The following ABCA13 variants were observed in gnomAD, a reference collection of about 807,000 sequenced individuals.
ABCA13 encodes ATP-binding cassette sub-family A member 13.
Under a neutral mutation model 478.7 loss-of-function variants are expected in ABCA13, and 476 were observed. The observed-to-expected ratio is 0.99, with a 90% confidence interval of 0.92 to 1.07. The LOEUF (loss-of-function observed/expected upper bound fraction) is 1.07. ABCA13 is among the 50% of genes least tolerant of loss of function. The pLI is 0.00. For missense variants in ABCA13, 6,060 were observed against 5,910.6 expected, an observed-to-expected ratio of 1.03 and a Z score of -0.83; for synonymous variants, 2,252 against 2,158.9, an observed-to-expected ratio of 1.04 and a Z score of -1.20.
chr7:48,437,126 T>A (rs1255821867), intron 42 of ABCA13, among the ~76,000 whole-genome samples: 1 of 152,058 alleles, frequency 6.6e-6, no homozygotes, highest in Non-Finnish European at 1.5e-5. Flanking sequence ...TATTGAGGTT[T>A]CCTACTATTA....
At chr7:48,539,767 A>G (rs1319912231) in intron 55 of ABCA13, among the ~76,000 whole-genome samples, 3 of 152,242 alleles carry the variant, frequency 2.0e-5, no homozygotes, top group African/African-American at 4.8e-5. Flanking sequence ...TGAAGGTTCA[A>G]TGCTATACCA....
chr7:48,283,643 A>G (rs1797343590), intron 19 of ABCA13, among the ~76,000 whole-genome samples: 1 of 152,164 alleles, frequency 6.6e-6, no homozygotes, highest in South Asian at 2.1e-4. Flanking sequence ...GAGTTAATCT[A>G]CACAATCACT....
chr7:48,523,190 A>T (rs918588426), intron 53 of ABCA13, among the ~76,000 whole-genome samples: 4 of 152,088 alleles, frequency 2.6e-5, no homozygotes, highest in Non-Finnish European at 5.9e-5. Context: ...TTTGAACGTT[A>T]TATAAATGAG....
At chr7:48,247,871 C>G (rs1791936394) in intron 13 of ABCA13, among the ~76,000 whole-genome samples, 1 of 152,104 alleles carries the variant, frequency 6.6e-6, no homozygotes. Context: ...CAGCTGCATT[C>G]TATGGGTTTA....
chr7:48,179,258 T>C (rs886450316), intron 1 of ABCA13, among the ~76,000 whole-genome samples: 10 of 152,156 alleles, frequency 6.6e-5, no homozygotes, highest in African/African-American at 2.2e-4. Flanking sequence ...GAGATTGTAT[T>C]GGAGGCCGCG....
intron 47 of ABCA13, among the ~76,000 whole-genome samples, chr7:48,488,078 T>A (rs1267646524): frequency 1.3e-5 from 2 of 151,982 alleles, no homozygotes; most frequent in Non-Finnish European, 2.9e-5. Flanking sequence ...TTCTTCTCCT[T>A]GGGGTTTAAA....
intron 5 of ABCA13, among the ~76,000 whole-genome samples, chr7:48,227,052 C>A (rs777464543): frequency 4.0e-5 from 6 of 151,708 alleles, no homozygotes; most frequent in Non-Finnish European, 5.9e-5. Flanking sequence ...TATTTTTAAG[C>A]CATTAAAAAA....
chr7:48,541,545 T>C (rs1183499836), intron 55 of ABCA13, among the ~76,000 whole-genome samples: 1 of 152,042 alleles, frequency 6.6e-6, no homozygotes, highest in Non-Finnish European at 1.5e-5. Context: ...TCAGAAAAAT[T>C]AAGTGGCTTG....
intron 56 of ABCA13, among the ~76,000 whole-genome samples, chr7:48,585,082 G>A (rs1021891000): frequency 7.9e-5 from 12 of 152,156 alleles, no homozygotes; most frequent in African/African-American, 2.7e-4. Context: ...AAATTTGGAC[G>A]AAGCTACATG....
Position 48,645,461 on chromosome 7 carries a change from T to C in ABCA13, c.15126T>C (p.Ser5042=), listed in dbSNP as rs1422948441. ...CTGAGCAGCAGCAAACTCTACAATC[T>C]ACTCTTGATCCATCCACTGACAGTC... The part of the protein sequence containing the change: ...FASEQQQTLQ[S]TLDPSTDSHH... Residue 5042 remains serine (S), a synonymous_variant, in exon 62 of 62, where the codon TCT becomes TCC. Coordinates refer to ENST00000435803, the MANE Select transcript of ABCA13 (RefSeq NM_152701.5). The C allele has an allele frequency of 1.9e-6, 3 of 1,588,566 alleles. No individual in the cohort carries two copies. The highest frequency in any genetic ancestry group is 2.6e-6 in the Non-Finnish European group (3 of 1,166,264).
In ABCA13 at chr7:48,288,026, A is replaced by G. The variant is rs1046495589; in HGVS notation, c.8903A>G (p.His2968Arg). ...AGTTGCAAGCAAAATGGGATAAGGC[A>G]TCTCATTTTATCTGCTATACAAGGG... ...TLSCKQNGIR[H>R]LILSAIQGVT... Residue 2968 changes from histidine (H) to arginine (R), a missense_variant, in exon 20 of 62, where the codon CAT becomes CGT. Around this residue, in one of 3 missense-constraint regions of ABCA13, gnomAD observed 4,423 missense variants for 4,309.1 expected, o/e 1.03. Transcript: ENST00000435803. 6.2e-7 allele frequency: 1 copy of G among 1,614,000 alleles called. No homozygotes were observed. The highest frequency in any genetic ancestry group is 8.5e-7 in the Non-Finnish European group (1 of 1,179,882).
chr7:48,423,534 T>C (rs1433509), intron 41 of ABCA13, among the ~76,000 whole-genome samples: 41,742 of 151,872 alleles, frequency 0.27, 5,885 homozygotes, highest in East Asian at 0.37. Flanking sequence ...CCCAAAAGGA[T>C]GGGGCATAGG....
chr7:48,613,450 A>G (rs987676048), intron 58 of ABCA13, among the ~76,000 whole-genome samples: 14 of 152,218 alleles, frequency 9.2e-5, no homozygotes, highest in African/African-American at 2.9e-4. Flanking sequence ...TCGGCCTCCC[A>G]AAGTGCTGGG....
Position 48,403,664 on chromosome 7 carries a change from T to G in ABCA13, c.11874-19T>G, listed in dbSNP as rs1244023173. On this transcript the variant is annotated intron_variant, in intron 38 of 61. Transcript: ENST00000435803. ...TTAAGGTGTTCAGGGAGAAGAGTGA[T>G]GTTTTCTTCTAATTTCAGAACTCTT... 1.2e-6 allele frequency: 2 copies of G among 1,609,670 alleles called. No homozygotes were observed. Among genetic ancestry groups the G allele is most frequent in the Admixed American group, 1.7e-5 (1 of 59,848 alleles).
In ABCA13 at chr7:48,335,463, A is replaced by T. The variant is rs375032374; in HGVS notation, c.10041A>T (p.Leu3347Phe). The change falls in exon 28 of 62, where the codon TTA becomes TTT. Residue 3347 changes from leucine to phenylalanine, a missense_variant. Coordinates refer to ENST00000435803, the MANE Select transcript of ABCA13 (RefSeq NM_152701.5). Reference sequence around the variant, plus strand: ...ATATTGTGGACAAACTAAAAACTTTATCAGAAACACTGCTGGAAATGTCCA... The same window carrying T: ...ATATTGTGGACAAACTAAAAACTTTTTCAGAAACACTGCTGGAAATGTCCA... ...TFYIVDKLKTLSETLLEMSSL... is the reference protein window; with the variant it reads ...TFYIVDKLKTFSETLLEMSSL... The T allele has an allele frequency of 1.2e-6, 2 of 1,613,390 alleles. No individual in the cohort carries two copies. Among genetic ancestry groups the T allele is most frequent in the Non-Finnish European group, 1.7e-6 (2 of 1,179,608 alleles).
chr7:48,305,564 G>A (rs888607745), intron 23 of ABCA13, among the ~76,000 whole-genome samples: 6 of 152,010 alleles, frequency 3.9e-5, no homozygotes, highest in East Asian at 3.9e-4. Flanking sequence ...TTTCCCTTCC[G>A]GTCACAACTG....
At chr7:48,569,224 C>T (rs1183205350) in intron 55 of ABCA13, among the ~76,000 whole-genome samples, 5 of 151,964 alleles carry the variant, frequency 3.3e-5, no homozygotes, top group African/African-American at 1.2e-4. Context: ...CTGACATCTA[C>T]CTTTTTAAAA....
chr7:48,335,377 T>C, intron 27 of ABCA13, 45 bp from the exon 28 acceptor site: 2 of 1,398,170 alleles, frequency 1.4e-6, no homozygotes, highest in South Asian at 2.6e-5. Flanking sequence ...TATCTTAATA[T>C]AACAGCTGAA....
At chr7:48,524,861 G>A (rs1832781906) in intron 54 of ABCA13, among the ~76,000 whole-genome samples, 1 of 151,882 alleles carries the variant, frequency 6.6e-6, no homozygotes, top group African/African-American at 2.4e-5. Flanking sequence ...CATCCACCTA[G>A]CAATAGCTCA....
Sources: gnomAD v4.1 joint callset for allele counts (sites outside exome capture counted in the v4.1 genomes callset) on GRCh38, gnomAD v4.1.1 for gene constraint, gnomAD v4.1.1 regional missense constraint, MANE v1.5 for transcripts, NCBI Gene and HGNC (gene_info 2026-07-23, HGNC 2026-07-21) for gene names.